MED12L: variants seen among roughly 807,000 people sequenced by gnomAD.
MED12L encodes mediator complex subunit 12L, also known as mediator of RNA polymerase II transcription subunit 12-like protein.
MED12L carries 60 observed loss-of-function variants against 281.3 expected under a neutral mutation model. The observed-to-expected ratio is 0.21, with a 90% CI of 0.17 to 0.26. The LOEUF (loss-of-function observed/expected upper bound fraction) is 0.26. Among genes scored for constraint, MED12L ranks in the 10% least tolerant of loss-of-function variants. MED12L has a pLI of 1.00. For synonymous variants in MED12L, 974 were observed against 987.2 expected, an observed-to-expected ratio of 0.99 and a Z score of 0.25; for missense variants, 2,146 against 2,680.9, an observed-to-expected ratio of 0.80 and a Z score of 4.41.
At chr3:151,324,405 T>TG (rs1011749633) in intron 16 of MED12L, among the ~76,000 whole-genome samples, 32 of 151,920 alleles carry the variant, frequency 2.1e-4, no homozygotes, top group Admixed American at 6.6e-5. Context: ...TCAGGGAGCA[T>TG]GGGGGTGGCT....
chr3:151,402,872 G>T (rs1715855611), intron 39 of MED12L, among the ~76,000 whole-genome samples: 1 of 152,160 alleles, frequency 6.6e-6, no homozygotes, highest in South Asian at 2.1e-4. Context: ...CACGTCATTA[G>T]GCTAAAAAAT....
At chr3:151,417,477 C>T (rs58332475) in intron 43 of MED12L, among the ~76,000 whole-genome samples, 1 of 77,192 alleles carries the variant, frequency 1.3e-5, no homozygotes, top group Non-Finnish European at 2.5e-5. Flanking sequence ...TCCCCCAGCT[C>T]CCCCCCCGCC....
At chr3:151,368,760 ATTT>A (rs201834162) in intron 25 of MED12L, among the ~76,000 whole-genome samples, 13 of 80,262 alleles carry the variant, frequency 1.6e-4, no homozygotes, top group South Asian at 3.9e-4. Context: ...ATGTCATTTC[ATTT>A]TTTTTTTTTT....
At position 151,434,623 on chromosome 3, in the gene MED12L, A is replaced by G. The variant is rs1236175122; in HGVS notation, c.*1819A>G. ...TAAGCTAATGAAGTTGTTTTCTTCAAAGTAATATATCTATATAATGACTGC... is the reference window on the plus strand; with the variant it reads ...TAAGCTAATGAAGTTGTTTTCTTCAGAGTAATATATCTATATAATGACTGC... On this transcript the variant is annotated 3_prime_UTR_variant, in exon 45 of 45. Transcript: ENST00000687756. 1 of 152,212 alleles carries G rather than the reference A, an allele frequency of 6.6e-6. No individual in the cohort carries two copies. The highest frequency in any genetic ancestry group is 1.5e-5 in the Non-Finnish European group (1 of 68,042). 9.4% of individuals were successfully genotyped at this position (152,212 alleles called of 1,614,324 possible).
chr3:151,096,487 T>A (rs1720730448), intron 2 of MED12L, among the ~76,000 whole-genome samples: 1 of 152,060 alleles, frequency 6.6e-6, no homozygotes, highest in Non-Finnish European at 1.5e-5. Context: ...AGTGGCATCT[T>A]GTCCATTAGG....
chr3:151,338,901 A>G, intron 16 of MED12L: 1 of 1,561,310 alleles, frequency 6.4e-7, no homozygotes, highest in Non-Finnish European at 8.8e-7. Flanking sequence ...AGCCTAAGGT[A>G]GTTATTATTG....
At chr3:151,289,527 G>T (rs190466135) in intron 16 of MED12L, among the ~76,000 whole-genome samples, 1 of 152,306 alleles carries the variant, frequency 6.6e-6, no homozygotes, top group Admixed American at 6.5e-5. Flanking sequence ...TGTTACGAAA[G>T]ATATTTTGCT....
At chr3:151,140,268 C>G (rs1226202015) in intron 5 of MED12L, among the ~76,000 whole-genome samples, 1 of 152,122 alleles carries the variant, frequency 6.6e-6, no homozygotes, top group Non-Finnish European at 1.5e-5. Context: ...CGTAAAATAA[C>G]ATAAAATTTA....
chr3:151,413,552 G>A (rs890962389), intron 42 of MED12L, among the ~76,000 whole-genome samples: 5 of 152,108 alleles, frequency 3.3e-5, no homozygotes, highest in Non-Finnish European at 2.9e-5. Context: ...GGTTTGGGAG[G>A]GCAGACGGAT....
At chr3:151,381,033 A>C (rs994150961) in intron 32 of MED12L, among the ~76,000 whole-genome samples, 4 of 152,246 alleles carry the variant, frequency 2.6e-5, no homozygotes, top group Non-Finnish European at 5.9e-5. Context: ...TTCACCAAAC[A>C]CAGTTCTCCT....
In MED12L at chr3:151,433,988, G is replaced by T. The variant is rs1179430472; in HGVS notation, c.*1184G>T. On this transcript the variant is annotated 3_prime_UTR_variant, in exon 45 of 45. Coordinates refer to ENST00000687756, the MANE Select transcript of MED12L (RefSeq NM_001393769.1). ...AATTTGCTCCTATTAGAGTAAAAAA[G>T]AAACCAGTAAATTATCAGTTTGTGT... is the stretch of plus-strand genomic sequence containing the variant. 6.6e-6 allele frequency: 1 copy of T among 152,506 alleles called. No individual in the cohort carries two copies. The highest frequency in any genetic ancestry group is 1.5e-5 in the Non-Finnish European group (1 of 67,988). 9.4% of individuals were successfully genotyped at this position (152,506 alleles called of 1,614,324 possible). A position where few individuals can be genotyped will look rare whatever the true frequency, so the allele number is the denominator to read the frequency against.
chr3:151,211,738 C>T (rs1205392827), intron 16 of MED12L, among the ~76,000 whole-genome samples: 5 of 152,168 alleles, frequency 3.3e-5, no homozygotes, highest in Non-Finnish European at 7.4e-5. Context: ...ACCTCTGCCT[C>T]TTGGGCCCAG....
chr3:151,097,283 A>G (rs1720835217), intron 2 of MED12L, among the ~76,000 whole-genome samples: 1 of 152,220 alleles, frequency 6.6e-6, no homozygotes. Flanking sequence ...TTAGTTGTAC[A>G]ATGCTGTGAC....
At chr3:151,227,362 A>G (rs1458017253) in intron 16 of MED12L, among the ~76,000 whole-genome samples, 1 of 152,252 alleles carries the variant, frequency 6.6e-6, no homozygotes, top group African/African-American at 2.4e-5. Context: ...AAGATAAAAG[A>G]AATCTGAATT....
chr3:151,292,339 T>G (rs1244818506), intron 16 of MED12L, among the ~76,000 whole-genome samples: 1 of 150,276 alleles, frequency 6.7e-6, no homozygotes, highest in East Asian at 2.0e-4. Flanking sequence ...CAGGCTGGAG[T>G]GCAGTGGCAT....
intron 5 of MED12L, 108 bp from the exon 6 acceptor site, chr3:151,156,053 G>A (rs1239597075): frequency 1.1e-6 from 1 of 939,440 alleles, no homozygotes; most frequent in East Asian, 2.7e-5. Context: ...GGGAGCAGAT[G>A]TTTGTTTTAT....
At chr3:151,293,013 A>G (rs1235895405) in intron 16 of MED12L, among the ~76,000 whole-genome samples, 1 of 152,218 alleles carries the variant, frequency 6.6e-6, no homozygotes, top group Non-Finnish European at 1.5e-5. Context: ...TTGCATTTAT[A>G]GAATTGGAAT....
intron 11 of MED12L, 86 bp from the exon 12 acceptor site, chr3:151,185,244 T>G: frequency 7.4e-7 from 1 of 1,347,378 alleles, no homozygotes. Context: ...CTTTAAAGTG[T>G]TAGATATTCC....
rs2107950406 is a variant in MED12L, at chr3:151,368,157, G to A, written c.3456G>A (p.Gly1152=). ...ALPSLLAAAC[G]DADAEPGARM... ...CCAATCCCCCTTTCCTAGCTTGTGG[G>A]GATGCGGACGCCGAGCCTGGGGCGA... is the stretch of plus-strand genomic sequence containing the variant. The change falls in exon 25 of 45, where the codon GGG becomes GGA. Residue 1152 remains glycine (G), a synonymous_variant. Coordinates refer to ENST00000687756, the MANE Select transcript of MED12L (RefSeq NM_001393769.1). 1 of 1,613,884 alleles carries A rather than the reference G, an allele frequency of 6.2e-7. No homozygotes were observed. Among genetic ancestry groups the A allele is most frequent in the Non-Finnish European group, 8.5e-7 (1 of 1,179,872 alleles).
Sources: allele counts gnomAD v4.1 joint callset (sites outside exome capture counted in the v4.1 genomes callset), GRCh38; gene constraint gnomAD v4.1.1; transcripts MANE v1.5; gene names NCBI Gene and HGNC (gene_info 2026-07-23, HGNC 2026-07-21).